FAM118B: variants seen among roughly 807,000 people sequenced by gnomAD.
FAM118B encodes SIR2 antiphage like 1, also known as protein FAM118B.
In FAM118B, 24 loss-of-function variants were observed where a neutral mutation model predicts 38.5. The ratio of observed to expected loss-of-function variants is 0.62; its 90% confidence interval spans 0.45 to 0.88. The LOEUF (loss-of-function observed/expected upper bound fraction) is 0.88. Among genes scored for constraint, FAM118B ranks in the 40% least tolerant of loss-of-function variants. The probability of loss-of-function intolerance (pLI) is 0.00; values close to 1 mark genes in which losing one functional copy is unlikely to be tolerated. For synonymous variants in FAM118B, 138 were observed against 156.3 expected, an observed-to-expected ratio of 0.88 and a Z score of 0.87; for missense variants, 334 against 420.0, an observed-to-expected ratio of 0.80 and a Z score of 1.79.
At position 126,253,530 on chromosome 11, in the gene FAM118B, T is replaced by C. The variant is rs984029479; in HGVS notation, c.568-775T>C. Among the ~76,000 whole-genome samples, 4 of 152,234 alleles carry C rather than the reference T, an allele frequency of 2.6e-5. No individual in the cohort carries two copies. The highest frequency in any genetic ancestry group is 9.6e-5 in the African/African-American group (4 of 41,456). On this transcript the variant is annotated intron_variant, in intron 5 of 8. Coordinates refer to ENST00000533050, the MANE Select transcript of FAM118B (RefSeq NM_024556.4). This position sits in a 1 kb window ranked among gnomAD's most constrained non-coding sequence, Gnocchi z 5.1. ...AAGTGATTTTTCTATCACTTATCTATTGCTGTACAAGTAATGGCCGTGAAA... is the reference window on the plus strand; with the variant it reads ...AAGTGATTTTTCTATCACTTATCTACTGCTGTACAAGTAATGGCCGTGAAA...
intron 4 of FAM118B, among the ~76,000 whole-genome samples, chr11:126,246,947 G>A (rs1950425851): frequency 6.6e-6 from 1 of 151,994 alleles, no homozygotes; most frequent in Non-Finnish European, 1.5e-5. Flanking sequence ...TGCTTTAAGA[G>A]AAAAAAACTT....
In FAM118B at chr11:126,228,850, G is replaced by A. The variant is rs569157405; in HGVS notation, c.-76-375G>A. Among the ~76,000 whole-genome samples the A allele has an allele frequency of 2.6e-3, 394 of 152,218 alleles. 7 individuals carry two copies. Among genetic ancestry groups the A allele is most frequent in the Middle Eastern group, 0.01 (3 of 294 alleles). Reference sequence around the variant, plus strand: ...CTGGGATTACAGGCTTGAGCCACCCGCGCCTGGCCTCAAATTTTAACTCAT... The same window carrying A: ...CTGGGATTACAGGCTTGAGCCACCCACGCCTGGCCTCAAATTTTAACTCAT... On this transcript the variant is annotated intron_variant, in intron 1 of 8. Coordinates refer to ENST00000533050, the MANE Select transcript of FAM118B (RefSeq NM_024556.4).
At chr11:126,249,680 C>T (rs189075875) in intron 4 of FAM118B, among the ~76,000 whole-genome samples, 1,818 of 137,252 alleles carry the variant, frequency 0.013, 31 homozygotes, top group Non-Finnish European at 0.017. Context: ...TGCAGTGAGC[C>T]GAGATCACGC....
chr11:126,256,521 T>TCAC lies in FAM118B; in HGVS notation c.697-46_697-45insCAC. 2 of 1,581,778 alleles carry TCAC rather than the reference T, an allele frequency of 1.3e-6. No individual in the cohort carries two copies. Among genetic ancestry groups the TCAC allele is most frequent in the Non-Finnish European group, 1.7e-6 (2 of 1,158,522 alleles). On this transcript the variant is annotated intron_variant, in intron 6 of 8. Transcript: ENST00000533050. This position sits in a 1 kb window ranked among gnomAD's most constrained non-coding sequence, Gnocchi z 6.6. ...TGACCTTCTTGTTTCAGACTTGCCTTGAGTGTGTCTTCACAATGTCAATAT... is the reference window on the plus strand; with the variant it reads ...TGACCTTCTTGTTTCAGACTTGCCTTCACGAGTGTGTCTTCACAATGTCAATAT...
intron 1 of FAM118B, among the ~76,000 whole-genome samples, chr11:126,212,152 A>G (rs1017198954): frequency 1.2e-4 from 18 of 151,658 alleles, no homozygotes; most frequent in African/African-American, 4.4e-4. Context: ...TAGTCTCTCC[A>G]CCCTTCATCT....
rs1950398322 is a variant in FAM118B at position 126,244,614 on chromosome 11, G to A, written c.339+3570G>A. Among the ~76,000 whole-genome samples the A allele has an allele frequency of 1.3e-5, 2 of 152,212 alleles. No individual in the cohort carries two copies. The highest frequency in any genetic ancestry group is 2.4e-5 in the African/African-American group (1 of 41,528). Reference sequence around the variant, plus strand: ...AGGTCGGGAGGTAGAGACCAGCCTGGCCAACATGGTGAAACCCCGTCTCTA... The same window carrying A: ...AGGTCGGGAGGTAGAGACCAGCCTGACCAACATGGTGAAACCCCGTCTCTA... On this transcript the variant is annotated intron_variant, in intron 4 of 8. Coordinates refer to ENST00000533050, the MANE Select transcript of FAM118B (RefSeq NM_024556.4). This position sits in a 1 kb window ranked among gnomAD's most constrained non-coding sequence, Gnocchi z 4.5.
intron 3 of FAM118B, among the ~76,000 whole-genome samples, chr11:126,238,497 TA>T (rs1187371592): frequency 5.9e-5 from 9 of 152,146 alleles, no homozygotes; most frequent in African/African-American, 2.2e-4. Flanking sequence ...GGATGGGGGA[TA>T]GGGGTGCAGG....
intron 4 of FAM118B, among the ~76,000 whole-genome samples, chr11:126,247,193 G>A (rs1251831753): frequency 6.6e-6 from 1 of 152,140 alleles, no homozygotes; most frequent in African/African-American, 2.4e-5. Flanking sequence ...TTGGGAGACT[G>A]AGGCAGGAAG....
chr11:126,248,143 C>T (rs1416848095), intron 4 of FAM118B, among the ~76,000 whole-genome samples: 2 of 149,106 alleles, frequency 1.3e-5, no homozygotes, highest in Non-Finnish European at 3.0e-5. Context: ...AAGACTCTGT[C>T]TCAAGAAAAA....
At chr11:126,236,855 G>A (rs1273538172) in intron 3 of FAM118B, among the ~76,000 whole-genome samples, 1 of 134,596 alleles carries the variant, frequency 7.4e-6, no homozygotes, top group Non-Finnish European at 1.6e-5. Context: ...CGTTATTTTT[G>A]ATTTATGAAG....
At chr11:126,233,082 G>A (rs1950228362) in intron 2 of FAM118B, among the ~76,000 whole-genome samples, 2 of 152,212 alleles carry the variant, frequency 1.3e-5, no homozygotes, top group African/African-American at 4.8e-5. Context: ...TTTGAAGGAA[G>A]ATTCTGGAGA....
chr11:126,227,057 T>G (rs12791299), intron 1 of FAM118B, among the ~76,000 whole-genome samples: 9 of 132,416 alleles, frequency 6.8e-5, no homozygotes, highest in Non-Finnish European at 1.5e-4. Flanking sequence ...AATACAAGCT[T>G]CTTTTTTTTT....
rs549922825 is a variant in FAM118B at position 126,219,349 on chromosome 11, C to CTTTTTTTTTTTTTTTTTTTT, written c.-77+7540_-77+7559dup. On this transcript the variant is annotated intron_variant, in intron 1 of 8. Transcript: ENST00000533050. ...AGCTTATCCTTCAGCTCTTGTTTAT[C>CTTTTTTTTTTTTTTTTTTTT]TTTTTTTTTTTTTTTTTTTTTTTTT... Among the ~76,000 whole-genome samples, 20 of 44,464 alleles carry CTTTTTTTTTTTTTTTTTTTT rather than the reference C, an allele frequency of 4.5e-4. 2 individuals are homozygous for CTTTTTTTTTTTTTTTTTTTT. The highest frequency in any genetic ancestry group is 6.6e-4 in the Non-Finnish European group (17 of 25,870). The allele number at this position is 44,464 out of a possible 152,430, so 29.2% of individuals were successfully genotyped here.
chr11:126,254,505 T>G (rs1950548390), intron 6 of FAM118B, 72 bp downstream of exon 6: 31 of 1,572,314 alleles, frequency 2.0e-5, no homozygotes, highest in Non-Finnish European at 2.2e-5. Context: ...CCATAGATCT[T>G]AAAGGGGAAC....
At position 126,252,309 on chromosome 11, in the gene FAM118B, T is replaced by C. The variant is rs1950515715; in HGVS notation, c.567+1576T>C. On this transcript the variant is annotated intron_variant, in intron 5 of 8. Coordinates refer to ENST00000533050, the MANE Select transcript of FAM118B (RefSeq NM_024556.4). This position sits in a 1 kb window ranked among gnomAD's most constrained non-coding sequence, Gnocchi z 4.7. ...GCACAGTTTTTATCTTGGCTGTTTATCTGTTTTCTGACTGTTTACCCCATA... is the reference window on the plus strand; with the variant it reads ...GCACAGTTTTTATCTTGGCTGTTTACCTGTTTTCTGACTGTTTACCCCATA... 6.6e-6 allele frequency among the ~76,000 whole-genome samples: 1 copy of C among 152,226 alleles called. No homozygotes were observed. Among genetic ancestry groups the C allele is most frequent in the Non-Finnish European group, 1.5e-5 (1 of 68,038 alleles).
In FAM118B at chr11:126,218,118, T is replaced by C. The variant is rs1459523922; in HGVS notation, c.-77+6288T>C. 3.3e-5 allele frequency among the ~76,000 whole-genome samples: 5 copies of C among 152,182 alleles called. No individual in the cohort carries two copies. The East Asian group carries it at 7.7e-4, about 23-fold the overall frequency. ...ATGTTTTCTTGTACTATTTCTGTGA[T>C]TTTTTGCTCAATCTTTAATTTTTCT... On this transcript the variant is annotated intron_variant, in intron 1 of 8. Coordinates refer to ENST00000533050, the MANE Select transcript of FAM118B (RefSeq NM_024556.4).
chr11:126,233,361 G>T (rs1296329256), intron 2 of FAM118B, among the ~76,000 whole-genome samples: 2 of 151,978 alleles, frequency 1.3e-5, no homozygotes, highest in African/African-American at 4.8e-5. Flanking sequence ...TGTAATCCCA[G>T]CTACTCAGGA....
chr11:126,262,469 C>T lies in FAM118B; in HGVS notation c.*336C>T, dbSNP rs867068066. On this transcript the variant is annotated 3_prime_UTR_variant, in exon 9 of 9. Transcript: ENST00000533050. The stretch of plus-strand genomic sequence containing the variant: ...CGGCTGCAGCTCTGCATGAAGGACT[C>T]GGGGTCTGGATGCCATGGAATCACT... The T allele has an allele frequency of 8.8e-6, 3 of 340,364 alleles. No homozygotes were observed. Among genetic ancestry groups the T allele is most frequent in the Middle Eastern group, 7.7e-4 (1 of 1,294 alleles). The allele number at this position is 340,364 out of a possible 1,614,324, so 21.1% of individuals were successfully genotyped here.
rs554506742 is a variant in FAM118B at position 126,256,893 on chromosome 11, A to G, written c.982+41A>G. On this transcript the variant is annotated intron_variant, in intron 7 of 8. Transcript: ENST00000533050. This position sits in a 1 kb window ranked among gnomAD's most constrained non-coding sequence, Gnocchi z 6.6. ...AAGCTGAGGGGAATCAGAGAACAAC[A>G]GCTCTTCAGCCTTTTGTGTATTTGT... is the stretch of plus-strand genomic sequence containing the variant. 2 of 1,561,410 alleles carry G rather than the reference A, an allele frequency of 1.3e-6. No individual in the cohort carries two copies. The highest frequency in any genetic ancestry group is 1.8e-5 in the Admixed American group (1 of 54,514).
Sources: allele counts gnomAD v4.1 joint callset (sites outside exome capture counted in the v4.1 genomes callset), GRCh38; gene constraint gnomAD v4.1.1; non-coding constraint Gnocchi (gnomAD v3.1); transcripts MANE v1.5; gene names NCBI Gene and HGNC (gene_info 2026-07-23, HGNC 2026-07-21).